Variants in TOGARAM2 observed in about 807,000 individuals in gnomAD.
The protein encoded by TOGARAM2 is TOG array regulator of axonemal microtubules 2.
A neutral mutation model predicts 93.3 loss-of-function variants in TOGARAM2; 85 were observed. The ratio of observed to expected loss-of-function variants is 0.91; its 90% CI spans 0.76 to 1.09. TOGARAM2 has a LOEUF of 1.09. Ranked by LOEUF, TOGARAM2 falls within the 50% of genes least tolerant of loss-of-function variation. The pLI is 0.00. For synonymous variants in TOGARAM2, 593 were observed against 552.8 expected (o/e 1.07, Z -1.02); for missense variants, 1,277 against 1,334.5 (o/e 0.96, Z 0.67).
chr2:28,963,841 C>T (rs1455540103), intron 1 of TOGARAM2, among the ~76,000 whole-genome samples: 1 of 152,162 alleles, frequency 6.6e-6, no homozygotes, highest in African/African-American at 2.4e-5. Context: ...AAACTTGTCT[C>T]TACTAAAAAT....
rs373074026 is a variant in TOGARAM2, at chr2:28,998,581, A to C, written c.139+328A>C. ...CACTCAGCGTCTCTGCCACTTGTCC[A>C]GCATCTGCAGCCTGGGTCTCTGGAG... is the stretch of plus-strand genomic sequence containing the variant. On this transcript the variant is annotated intron_variant, in intron 3 of 19. Coordinates refer to ENST00000379558, the MANE Select transcript of TOGARAM2 (RefSeq NM_199280.4). Among the ~76,000 whole-genome samples the C allele has an allele frequency of 3.3e-5, 5 of 152,172 alleles. No homozygotes were observed. In the East Asian group the frequency reaches 9.7e-4, roughly 29 times the overall value.
In TOGARAM2 at chr2:28,999,176, C is replaced by G. The variant is rs748213898; in HGVS notation, c.140-5C>G. The G allele has an allele frequency of 6.2e-7, 1 of 1,608,436 alleles. No homozygotes were observed. The highest frequency in any genetic ancestry group is 8.5e-7 in the Non-Finnish European group (1 of 1,176,780). ...CCAAGCCATTCACACCTCTGTCCCCCTCAGGTTCTCTCCAGCCTGAGCCAA... is the reference window on the plus strand; with the variant it reads ...CCAAGCCATTCACACCTCTGTCCCCGTCAGGTTCTCTCCAGCCTGAGCCAA... On this transcript the variant is annotated splice_polypyrimidine_tract_variant and splice_region_variant and intron_variant, in intron 3 of 19. Transcript: ENST00000379558.
chr2:29,039,904 C>G (rs1027152062), intron 18 of TOGARAM2, among the ~76,000 whole-genome samples: 1 of 152,216 alleles, frequency 6.6e-6, no homozygotes, highest in East Asian at 1.9e-4. Flanking sequence ...CATCCCCTCC[C>G]GATCAGACCT....
chr2:29,026,332 T>C (rs924706668), intron 13 of TOGARAM2, among the ~76,000 whole-genome samples: 17 of 152,212 alleles, frequency 1.1e-4, no homozygotes, highest in African/African-American at 3.6e-4. Context: ...AGTTACTTCC[T>C]AGTCAAGGGA....
chr2:28,959,426 A>G (rs576655683), intron 1 of TOGARAM2, among the ~76,000 whole-genome samples: 2 of 152,292 alleles, frequency 1.3e-5, no homozygotes, highest in South Asian at 4.1e-4. Flanking sequence ...TCTTTTCCCA[A>G]CTTAGGAAAA....
In TOGARAM2 at chr2:29,002,805, T is replaced by C; in HGVS notation, c.639+58T>C. The C allele has an allele frequency of 2.0e-6, 3 of 1,511,608 alleles. No individual in the cohort carries two copies. The South Asian group carries it at 3.6e-5, about 18-fold the overall frequency. The allele number at this position is 1,511,608 out of a possible 1,614,324, so 93.6% of individuals were successfully genotyped here. ...TCAGCTTCTTGCCCTCCCTTCCTCC[T>C]GCCTTTCTTTCTAGCCTCCACCAAC... On this transcript the variant is annotated intron_variant, in intron 5 of 19. Coordinates refer to ENST00000379558, the MANE Select transcript of TOGARAM2 (RefSeq NM_199280.4).
Position 28,998,174 on chromosome 2 carries a change from C to A in TOGARAM2, c.60C>A (p.Cys20Ter), listed in dbSNP as rs72786173. The change falls in exon 3 of 20, where the codon TGC (cysteine) becomes TGA (stop). Residue 20 changes from cysteine to a stop codon, truncating the protein, a stop_gained. Coordinates refer to ENST00000379558, the MANE Select transcript of TOGARAM2 (RefSeq NM_199280.4). LOFTEE classifies it high-confidence loss of function. ...TCCTGGTCCCCGTGGCCGTGTACTG[C>A]GGGAGCATCCCTCGGACCAGTGCTG... ...AKVLVPVAVY[C>*]GSIPRTSAGP... 1 of 1,610,810 alleles carries A rather than the reference C, an allele frequency of 6.2e-7. No homozygotes were observed. The highest frequency in any genetic ancestry group is 1.7e-5 in the Admixed American group (1 of 59,610).
chr2:29,040,348 G>A (rs1217109955), intron 18 of TOGARAM2, among the ~76,000 whole-genome samples: 1 of 152,180 alleles, frequency 6.6e-6, no homozygotes, highest in African/African-American at 2.4e-5. Flanking sequence ...AAGATACAAA[G>A]CATTTGAAAG....
chr2:29,005,935 T>A (rs1410104893), intron 6 of TOGARAM2, among the ~76,000 whole-genome samples: 7 of 148,012 alleles, frequency 4.7e-5, no homozygotes, highest in South Asian at 2.2e-4. Context: ...GTGGAGTGTG[T>A]GTGTGGGGTA....
Position 28,994,845 on chromosome 2 carries a change from G to A in TOGARAM2, c.11G>A (p.Arg4His), listed in dbSNP as rs768249766. The A allele has an allele frequency of 1.5e-5, 24 of 1,552,594 alleles. No homozygotes were observed. Among genetic ancestry groups the A allele is most frequent in the East Asian group, 2.4e-5 (1 of 40,978 alleles). Residue 4 changes from arginine (R) to histidine (H), a missense_variant, in exon 2 of 20, where the codon CGT (arginine) becomes CAT (histidine). By Grantham distance (29) the Arg-to-His change is conservative. Transcript: ENST00000379558. ...TTCTCCACCCAGGACATGGGCACCC[G>A]TGACGATGTCCCCGAAGGTAAGGGG... MGT[R>H]DDVPEAKVLV... is the part of the protein sequence containing the mutation.
Position 29,002,870 on chromosome 2 carries a change from A to AG in TOGARAM2, c.639+125dup. On this transcript the variant is annotated intron_variant, in intron 5 of 19. Transcript: ENST00000379558. ...CCTGAGCATCCCTGGAGGTGTCTTG[A>AG]GGTCTGCAGTGAGGATAGGGACAGC... The AG allele has an allele frequency of 6.6e-6, 6 of 904,490 alleles. 1 individual carries two copies. The highest frequency in any genetic ancestry group is 1.0e-5 in the Non-Finnish European group (6 of 590,548). The allele number at this position is 904,490 out of a possible 1,614,324, so 56.0% of individuals were successfully genotyped here. A position where few individuals can be genotyped will look rare whatever the true frequency, so the allele number is the denominator to read the frequency against.
chr2:28,959,311 A>G (rs997583943), intron 1 of TOGARAM2, among the ~76,000 whole-genome samples: 8 of 152,202 alleles, frequency 5.3e-5, no homozygotes, highest in Non-Finnish European at 1.0e-4. Flanking sequence ...TAACCACATC[A>G]TACACCAACT....
intron 6 of TOGARAM2, among the ~76,000 whole-genome samples, chr2:29,004,920 ACG>A (rs57327709): frequency 3.4e-4 from 4 of 11,898 alleles, no homozygotes; most frequent in Non-Finnish European, 9.7e-4. Context: ...GTGCATGTGT[ACG>A]TGTGTGAGTG....
intron 1 of TOGARAM2, among the ~76,000 whole-genome samples, chr2:28,986,129 A>AAAAAG (rs1299090969): frequency 2.0e-5 from 3 of 151,720 alleles, no homozygotes; most frequent in Admixed American, 6.6e-5. Context: ...AAAAAAAAAA[A>AAAAAG]AGATGTAGTG....
intron 17 of TOGARAM2, 120 bp from the exon 18 acceptor site, chr2:29,036,421 G>A (rs528203270): frequency 1.1e-5 from 9 of 811,102 alleles, no homozygotes; most frequent in African/African-American, 5.1e-5. Context: ...GGTCAGGGAC[G>A]CAGGAGGAGT....
intron 13 of TOGARAM2, among the ~76,000 whole-genome samples, chr2:29,024,587 C>T (rs528155742): frequency 1.8e-4 from 27 of 152,274 alleles, no homozygotes; most frequent in Non-Finnish European, 3.4e-4. Context: ...GACTTCACAG[C>T]AGGTGCTTCC....
At chr2:29,016,778 G>C (rs534134968) in intron 8 of TOGARAM2, among the ~76,000 whole-genome samples, 1 of 152,076 alleles carries the variant, frequency 6.6e-6, no homozygotes, top group Non-Finnish European at 1.5e-5. Flanking sequence ...AAGCACACCC[G>C]GCCTCAGAGC....
At chr2:28,976,687 TG>T (rs1672043452), upstream of TOGARAM2, among the ~76,000 whole-genome samples, 1 of 152,218 alleles carries the variant, frequency 6.6e-6, no homozygotes, top group South Asian at 2.1e-4. Flanking sequence ...TGAATTCCTG[TG>T]TGACTCCATC....
chr2:29,010,430 G>A (rs1664171697), intron 6 of TOGARAM2, among the ~76,000 whole-genome samples: 1 of 152,130 alleles, frequency 6.6e-6, no homozygotes, highest in Non-Finnish European at 1.5e-5. Flanking sequence ...AATCCCGGCT[G>A]ATCTACGCCC....
Sources: gnomAD v4.1 joint callset for allele counts (sites outside exome capture counted in the v4.1 genomes callset) on GRCh38, gnomAD v4.1.1 for gene constraint, MANE v1.5 for transcripts, NCBI Gene and HGNC (gene_info 2026-07-23, HGNC 2026-07-21) for gene names.